PAH: variants seen among roughly 807,000 people sequenced by gnomAD.
The protein encoded by PAH is phenylalanine-4-hydroxylase.
In PAH, 64 loss-of-function variants were observed where a neutral mutation model predicts 62.0. The observed-to-expected ratio is 1.03, with a 90% CI of 0.84 to 1.27. PAH has a LOEUF of 1.27. Ranked by LOEUF, PAH falls within the 50% of genes most tolerant of loss-of-function variation. The probability of loss-of-function intolerance (pLI) is 0.00; values close to 1 mark genes in which losing one functional copy is unlikely to be tolerated. For missense variants in PAH, 579 were observed against 542.8 expected (o/e 1.07, Z -0.66); for synonymous variants, 195 against 196.2 (o/e 0.99, Z 0.05).
chr12:102,880,067 A>C (rs1005455633), intron 3 of PAH, among the ~76,000 whole-genome samples: 2 of 152,188 alleles, frequency 1.3e-5, no homozygotes, highest in Non-Finnish European at 2.9e-5. Context: ...GAAGAAACTG[A>C]GGAACAATGA....
chr12:102,844,022 A>G (rs1056671080), intron 10 of PAH, among the ~76,000 whole-genome samples: 1 of 152,178 alleles, frequency 6.6e-6, no homozygotes, highest in African/African-American at 2.4e-5. Context: ...TAAGGTGGTC[A>G]ATAGATGACG....
intron 2 of PAH, among the ~76,000 whole-genome samples, chr12:102,896,059 A>C (rs1054217052): frequency 2.0e-5 from 3 of 152,098 alleles, no homozygotes; most frequent in African/African-American, 7.2e-5. Context: ...AACAACAAAC[A>C]GAAACTCATT....
rs111533501 is a variant in PAH, at chr12:102,865,920, A to C, written c.509+676T>G. On this transcript the variant is annotated intron_variant, in intron 5 of 12. Transcript: ENST00000553106. ...GTGCATGTCTTTTCTTAATCCCTTA[A>C]CTCAGTAACAGCACTTGTCAAAACA... Among the ~76,000 whole-genome samples, 519 of 152,152 alleles carry C rather than the reference A, an allele frequency of 3.4e-3. 2 individuals carry two copies. The highest frequency in any genetic ancestry group is 0.012 in the African/African-American group (491 of 41,508).
At chr12:102,868,353 T>G (rs1202421777) in intron 4 of PAH, among the ~76,000 whole-genome samples, 2 of 151,490 alleles carry the variant, frequency 1.3e-5, no homozygotes, top group Admixed American at 6.6e-5. Context: ...AGGAGTTAAT[T>G]AGTTTATTTC....
At chr12:102,914,972 C>T (rs1299399438) in intron 1 of PAH, among the ~76,000 whole-genome samples, 1 of 152,208 alleles carries the variant, frequency 6.6e-6, no homozygotes, top group Non-Finnish European at 1.5e-5. Context: ...CATTTTTACT[C>T]TTGTCCTTCT....
In PAH at chr12:102,840,331, C is replaced by T. The variant is rs77181841; in HGVS notation, c.1315+69G>A. 6.1e-3 allele frequency: 5,726 copies of T among 933,630 alleles called. 204 individuals are homozygous for T. The African/African-American group carries it at 0.076, about 12-fold the overall frequency. The allele number at this position is 933,630 out of a possible 1,614,324, so 57.8% of individuals were successfully genotyped here. A position where few individuals can be genotyped will look rare whatever the true frequency, so the allele number is the denominator to read the frequency against. ...AATAAATTTATTATTTTTCCTATGG[C>T]GATGGTAGGGAAAGACAGTCTTCGA... On this transcript the variant is annotated intron_variant, in intron 12 of 12. Transcript: ENST00000553106.
chr12:102,852,798 T>A lies in PAH; in HGVS notation c.842+17A>T. ...CTCATTGTGCCTGGCAACTGGTAGC[T>A]GGAGGACAGTACTCACGGTTCGGGG... is the stretch of plus-strand genomic sequence containing the variant. On this transcript the variant is annotated intron_variant, in intron 7 of 12. Transcript: ENST00000553106. 6.2e-7 allele frequency: 1 copy of A among 1,613,932 alleles called. No individual in the cohort carries two copies. Among genetic ancestry groups the A allele is most frequent in the Non-Finnish European group, 8.5e-7 (1 of 1,179,876 alleles).
At chr12:102,933,193 T>C (rs964795582) in intron 1 of PAH, among the ~76,000 whole-genome samples, 3 of 152,196 alleles carry the variant, frequency 2.0e-5, no homozygotes, top group South Asian at 2.1e-4. Flanking sequence ...ATCTTTTTAA[T>C]TTTTAGCCTC....
chr12:102,865,761 G>C (rs1223018360), intron 5 of PAH, among the ~76,000 whole-genome samples: 1 of 152,106 alleles, frequency 6.6e-6, no homozygotes, highest in Non-Finnish European at 1.5e-5. Context: ...TTTTTCCGGA[G>C]GTTTTTCCAT....
At chr12:102,855,944 G>T (rs978328228) in intron 5 of PAH, among the ~76,000 whole-genome samples, 1 of 150,614 alleles carries the variant, frequency 6.6e-6, no homozygotes, top group African/African-American at 2.5e-5. Flanking sequence ...TACTAATTAA[G>T]ATTCCACATT....
At chr12:102,932,975 T>C (rs1878940548) in intron 1 of PAH, among the ~76,000 whole-genome samples, 2 of 152,212 alleles carry the variant, frequency 1.3e-5, no homozygotes, top group Non-Finnish European at 2.9e-5. Flanking sequence ...TTTCTTTGTG[T>C]TACAAACAAT....
Position 102,889,973 on chromosome 12 carries a change from T to A in PAH, c.352+4762A>T, listed in dbSNP as rs1592975950. ...AAAGAGGGTAGCAGGAGAATAGACC[T>A]CAAGTATTCAAAAGACTCTCTGGAT... On this transcript the variant is annotated intron_variant, in intron 3 of 12. Coordinates refer to ENST00000553106, the MANE Select transcript of PAH (RefSeq NM_000277.3). 2.0e-5 allele frequency among the ~76,000 whole-genome samples: 3 copies of A among 152,336 alleles called. No homozygotes were observed. In the South Asian group the frequency reaches 6.2e-4, roughly 32 times the overall value.
In PAH at chr12:102,842,262, AG is replaced by A. The variant is rs561160052; in HGVS notation, c.1199+1383del. 2.3e-4 allele frequency among the ~76,000 whole-genome samples: 35 copies of A among 152,092 alleles called. 1 individual carries two copies. In the South Asian group the frequency reaches 7.1e-3, roughly 31 times the overall value. On this transcript the variant is annotated intron_variant, in intron 11 of 12. Transcript: ENST00000553106. ...TCCAAACCTTGGGCCTTGGAGGGAG[AG>A]GGGGATGATGCTGGAAGGAGGCTAG...
intron 5 of PAH, 76 bp downstream of exon 5, chr12:102,866,520 A>G (rs1875968815): frequency 3.5e-6 from 4 of 1,132,024 alleles, no homozygotes; most frequent in South Asian, 2.5e-5. Flanking sequence ...TCCATCCTCA[A>G]CTGGATGAGG....
chr12:102,891,721 C>T (rs1688982336), intron 3 of PAH, among the ~76,000 whole-genome samples: 1 of 152,130 alleles, frequency 6.6e-6, no homozygotes, highest in Non-Finnish European at 1.5e-5. Context: ...CCTGAATCTG[C>T]ACTCTTAACT....
chr12:102,956,142 C>T (rs542666786), intron 1 of PAH, among the ~76,000 whole-genome samples: 3 of 152,294 alleles, frequency 2.0e-5, no homozygotes, highest in African/African-American at 7.2e-5. Context: ...CCGGATAATT[C>T]ACCACAATCA....
At chr12:102,851,648 C>T (rs1194466068) in intron 8 of PAH, 39 bp downstream of exon 8, 5 of 1,564,354 alleles carry the variant, frequency 3.2e-6, no homozygotes, top group Non-Finnish European at 1.8e-6. Context: ...ATTCAGGTCA[C>T]AGACCTATAA....
chr12:102,918,446 A>AAAAT (rs769625900), upstream of PAH, among the ~76,000 whole-genome samples: 189 of 127,880 alleles, frequency 1.5e-3, no homozygotes, highest in South Asian at 1.7e-3. Context: ...CAAGCATCTG[A>AAAAT]AAATAAATAA....
intron 2 of PAH, among the ~76,000 whole-genome samples, chr12:102,910,425 C>T (rs1878158790): frequency 6.7e-6 from 1 of 149,846 alleles, no homozygotes; most frequent in African/African-American, 2.5e-5. Flanking sequence ...GGCTAGAGTG[C>T]AGTGGCACGA....
Sources: allele counts gnomAD v4.1 joint callset (sites outside exome capture counted in the v4.1 genomes callset), GRCh38; gene constraint gnomAD v4.1.1; transcripts MANE v1.5; gene names NCBI Gene and HGNC (gene_info 2026-07-23, HGNC 2026-07-21).